Variants in PPP1R12A observed in about 807,000 individuals in gnomAD.
PPP1R12A encodes the protein myosin binding subunit.
PPP1R12A carries 19 observed loss-of-function variants against 139.6 expected under a neutral mutation model. The ratio of observed to expected loss-of-function variants is 0.14; its 90% CI spans 0.09 to 0.20. PPP1R12A has a LOEUF of 0.20. Ranked by LOEUF, PPP1R12A falls within the 10% of genes least tolerant of loss-of-function variation. PPP1R12A has a pLI of 1.00. For synonymous variants in PPP1R12A, 427 were observed against 420.6 expected (o/e 1.02, Z -0.19); for missense variants, 925 against 1,211.5 (o/e 0.76, Z 3.51).
intron 1 of PPP1R12A, among the ~76,000 whole-genome samples, chr12:79,911,166 A>G (rs1456399289): frequency 6.6e-6 from 1 of 152,160 alleles, no homozygotes; most frequent in Non-Finnish European, 1.5e-5. Flanking sequence ...TTAAGTTTAC[A>G]CTTTCAGGCT....
chr12:79,788,636 T>C lies in PPP1R12A; in HGVS notation c.2802+12A>G. ...TAACTTTTTATTAAATATAACTAAATAACCCAAGTACCTTTTTAAAGTCAG... is the reference window on the plus strand; with the variant it reads ...TAACTTTTTATTAAATATAACTAAACAACCCAAGTACCTTTTTAAAGTCAG... On this transcript the variant is annotated intron_variant, in intron 21 of 24. Coordinates refer to ENST00000450142, the MANE Select transcript of PPP1R12A (RefSeq NM_002480.3). 6.3e-7 allele frequency: 1 copy of C among 1,590,090 alleles called. No homozygotes were observed. The highest frequency in any genetic ancestry group is 8.5e-7 in the Non-Finnish European group (1 of 1,171,596).
At chr12:79,926,791 T>C (rs557062076) in intron 1 of PPP1R12A, among the ~76,000 whole-genome samples, 1 of 152,236 alleles carries the variant, frequency 6.6e-6, no homozygotes, top group Admixed American at 6.5e-5. Flanking sequence ...AAGGGACTTC[T>C]TCCCCCCCAC....
intron 1 of PPP1R12A, among the ~76,000 whole-genome samples, chr12:79,915,920 T>C (rs1313359239): frequency 6.6e-6 from 1 of 152,006 alleles, no homozygotes; most frequent in Non-Finnish European, 1.5e-5. Flanking sequence ...ACAAGAGCCT[T>C]TCCATGTGCT....
intron 14 of PPP1R12A, among the ~76,000 whole-genome samples, chr12:79,802,304 T>C (rs1041107827): frequency 1.4e-4 from 22 of 152,182 alleles, no homozygotes; most frequent in Admixed American, 3.3e-4. Context: ...ATTCAGTAAA[T>C]ATAGAAAAGT....
intron 2 of PPP1R12A, among the ~76,000 whole-genome samples, chr12:79,863,458 C>T (rs993832231): frequency 5.3e-5 from 8 of 151,988 alleles, no homozygotes; most frequent in Non-Finnish European, 1.0e-4. Context: ...ATCGAATTCA[C>T]ACCTAACAAT....
intron 1 of PPP1R12A, 142 bp from the exon 2 acceptor site, chr12:79,873,080 C>T (rs896313101): frequency 3.2e-6 from 3 of 946,304 alleles, no homozygotes; most frequent in South Asian, 1.8e-5. Context: ...CTTGACTATA[C>T]TCCATCAAAC....
chr12:79,795,116 G>A (rs929716325), intron 18 of PPP1R12A, among the ~76,000 whole-genome samples: 4 of 152,050 alleles, frequency 2.6e-5, no homozygotes, highest in Admixed American at 2.6e-4. Flanking sequence ...TTCAATAAAA[G>A]GTTTATTTTT....
At chr12:79,891,173 T>A in intron 1 of PPP1R12A, among the ~76,000 whole-genome samples, 1 of 152,088 alleles carries the variant, frequency 6.6e-6, no homozygotes, top group East Asian at 1.9e-4. Flanking sequence ...GATATGTTTT[T>A]AAAAAAATAA....
intron 1 of PPP1R12A, among the ~76,000 whole-genome samples, chr12:79,893,534 G>A (rs1352846538): frequency 6.6e-6 from 1 of 152,140 alleles, no homozygotes; most frequent in African/African-American, 2.4e-5. Flanking sequence ...CTGAAGGAAA[G>A]AAACCTTGTC....
intron 2 of PPP1R12A, among the ~76,000 whole-genome samples, chr12:79,867,165 T>C (rs548252698): frequency 3.2e-4 from 49 of 152,304 alleles, no homozygotes; most frequent in African/African-American, 1.1e-3. Context: ...TTCATGTCCT[T>C]TCAGGGACAT....
intron 9 of PPP1R12A, among the ~76,000 whole-genome samples, chr12:79,814,367 C>G (rs1874994535): frequency 6.7e-6 from 1 of 149,056 alleles, no homozygotes; most frequent in South Asian, 2.1e-4. Flanking sequence ...GTCCCGGCTA[C>G]TTGGGAGGCT....
intron 1 of PPP1R12A, among the ~76,000 whole-genome samples, chr12:79,894,880 T>C (rs982446957): frequency 2.0e-5 from 3 of 152,204 alleles, no homozygotes; most frequent in African/African-American, 4.8e-5. Flanking sequence ...TGTCCGCCTT[T>C]CGTCTTGCTT....
At position 79,883,022 on chromosome 12, in the gene PPP1R12A, A is replaced by T. The variant is rs111339588; in HGVS notation, c.238-10084T>A. On this transcript the variant is annotated intron_variant, in intron 1 of 24. Transcript: ENST00000450142. ...TGTGGTGGCACGCACCTATAATCCC[A>T]GCTACTCGGGAGGTGGAGGCAGGAG... Among the ~76,000 whole-genome samples, 1,483 of 152,264 alleles carry T rather than the reference A, an allele frequency of 9.7e-3. 32 individuals carry two copies. The highest frequency in any genetic ancestry group is 0.034 in the African/African-American group (1,427 of 41,538).
intron 2 of PPP1R12A, among the ~76,000 whole-genome samples, chr12:79,868,785 A>C (rs998966460): frequency 1.3e-5 from 2 of 150,236 alleles, no homozygotes; most frequent in Non-Finnish European, 2.9e-5. Context: ...TAGGGTTTCA[A>C]GTAAGAATTT....
intron 1 of PPP1R12A, among the ~76,000 whole-genome samples, chr12:79,897,410 G>C (rs1020385753): frequency 1.3e-5 from 2 of 152,168 alleles, no homozygotes; most frequent in African/African-American, 4.8e-5. Context: ...GAACAAGGGA[G>C]AGTGGGAAGA....
chr12:79,890,901 C>CCA (rs796570239), intron 1 of PPP1R12A, among the ~76,000 whole-genome samples: 16 of 30,968 alleles, frequency 5.2e-4, no homozygotes, highest in African/African-American at 2.4e-3. Context: ...CCACCCACAC[C>CCA]CACCCACACA....
intron 8 of PPP1R12A, among the ~76,000 whole-genome samples, chr12:79,818,621 A>G (rs1162411275): frequency 1.3e-5 from 2 of 152,182 alleles, no homozygotes; most frequent in East Asian, 1.9e-4. Flanking sequence ...AAAGAACAAA[A>G]AAGTCCTAGA....
rs1001567045 is a variant in PPP1R12A, at chr12:79,854,663, A to AT, written c.369-9244dup. 1.9e-3 allele frequency among the ~76,000 whole-genome samples: 284 copies of AT among 150,770 alleles called. 1 individual carries two copies. Among genetic ancestry groups the AT allele is most frequent in the South Asian group, 4.4e-3 (21 of 4,744 alleles). On this transcript the variant is annotated intron_variant, in intron 2 of 24. Transcript: ENST00000450142. ...CTCAGTCTCTTCATCTATAATTTTT[A>AT]TTTTTTTTTGACTTTTTTAAATTTT...
chr12:79,776,232 T>C (rs1869704783), intron 24 of PPP1R12A, among the ~76,000 whole-genome samples: 1 of 152,118 alleles, frequency 6.6e-6, no homozygotes, highest in African/African-American at 2.4e-5. Flanking sequence ...ATGAAAGGTT[T>C]ATTCTCTCCA....
Sources: allele counts gnomAD v4.1 joint callset (sites outside exome capture counted in the v4.1 genomes callset), GRCh38; gene constraint gnomAD v4.1.1; transcripts MANE v1.5; gene names NCBI Gene and HGNC (gene_info 2026-07-23, HGNC 2026-07-21).